ITPK1: variants seen among roughly 807,000 people sequenced by gnomAD.
ITPK1 encodes inositol 1,3,4-trisphosphate 5/6-kinase.
Under a neutral mutation model 45.3 loss-of-function variants are expected in ITPK1, and 21 were observed. The observed-to-expected ratio is 0.46, with a 90% CI of 0.33 to 0.67. The LOEUF is 0.67. ITPK1 is among the 30% of genes least tolerant of loss of function. The pLI, the probability that ITPK1 is intolerant of heterozygous loss-of-function variation, is 0.02. For synonymous variants in ITPK1, 258 were observed against 253.6 expected (o/e 1.02, Z -0.16); for missense variants, 474 against 573.5 (o/e 0.83, Z 1.77).
chr14:93,104,967 C>T (rs945338488), intron 2 of ITPK1, among the ~76,000 whole-genome samples: 13 of 152,192 alleles, frequency 8.5e-5, no homozygotes, highest in African/African-American at 2.7e-4. Flanking sequence ...CTGGCCAGAT[C>T]GGTCCCAGGA....
rs540385293 is a variant in ITPK1, at chr14:93,027,311, C to T, written c.121-10510G>A. Among the ~76,000 whole-genome samples, 18 of 152,310 alleles carry T rather than the reference C, an allele frequency of 1.2e-4. No homozygotes were observed. The South Asian group carries it at 1.4e-3, about 12-fold the overall frequency. On this transcript the variant is annotated intron_variant, in intron 3 of 10. Transcript: ENST00000267615. ...CTGAGCAGTCTCTAGGAAGAGCACACGTTTGGAGTCTGAGAGTCAGACAGG... is the reference window on the plus strand; with the variant it reads ...CTGAGCAGTCTCTAGGAAGAGCACATGTTTGGAGTCTGAGAGTCAGACAGG...
rs1887979882 is a variant in ITPK1, at chr14:92,952,026, C to G, written c.671-13G>C. 6.4e-7 allele frequency: 1 copy of G among 1,561,180 alleles called. No homozygotes were observed. Among genetic ancestry groups the G allele is most frequent in the Non-Finnish European group, 8.7e-7 (1 of 1,151,898 alleles). ...ATGGACTCACGGTCTGAAAAAGCGA[C>G]AGGAAGGAGCCGGCGTTAGAACCTC... On this transcript the variant is annotated splice_polypyrimidine_tract_variant and intron_variant, in intron 8 of 10. Transcript: ENST00000267615.
intron 5 of ITPK1, among the ~76,000 whole-genome samples, chr14:92,990,374 TAAGGAGCTAG>T (rs147357893): frequency 0.1 from 15,520 of 152,178 alleles, 1,018 homozygotes; most frequent in East Asian, 0.23. Context: ...CACAGAAGAA[TAAGGAGCTAG>T]AAGGAGCCAG....
chr14:93,011,491 G>C (rs901492331), intron 4 of ITPK1, among the ~76,000 whole-genome samples: 1 of 152,332 alleles, frequency 6.6e-6, no homozygotes, highest in East Asian at 1.9e-4. Context: ...AACCAGTGTG[G>C]CCAAGTGTGC....
chr14:93,105,987 G>A (rs1018270805), intron 2 of ITPK1, among the ~76,000 whole-genome samples: 1 of 152,054 alleles, frequency 6.6e-6, no homozygotes, highest in Non-Finnish European at 1.5e-5. Context: ...TTATAGGCGT[G>A]AGCCACCACG....
chr14:93,087,220 C>T (rs142471689), intron 2 of ITPK1, among the ~76,000 whole-genome samples: 247 of 152,350 alleles, frequency 1.6e-3, no homozygotes, highest in Middle Eastern at 6.8e-3. Context: ...TGTCCACATT[C>T]CTTGGCTTGT....
rs752199218 is a variant in ITPK1, at chr14:93,115,018, ACCGGGCTCGGGCCGGGGGTCC to A, written c.95+30_95+50del. 5.7e-5 allele frequency: 66 copies of A among 1,148,882 alleles called. No homozygotes were observed. The African/African-American group carries it at 9.6e-4, about 17-fold the overall frequency. The allele number at this position is 1,148,882 out of a possible 1,614,324, so 71.2% of individuals were successfully genotyped here. A position where few individuals can be genotyped will look rare whatever the true frequency, so the allele number is the denominator to read the frequency against. ...CTGCACCGGGCTCGGGCCGGGGGTC[ACCGGGCTCGGGCCGGGGGTCC>A]CCGGGCGCCGGCGCCGCGTCCCTCC... is the stretch of plus-strand genomic sequence containing the variant. On this transcript the variant is annotated intron_variant, in intron 2 of 10. Transcript: ENST00000267615.
chr14:93,009,080 G>C (rs1887761884), intron 4 of ITPK1, among the ~76,000 whole-genome samples: 1 of 152,118 alleles, frequency 6.6e-6, no homozygotes, highest in African/African-American at 2.4e-5. Context: ...GTCATGAGGG[G>C]CAGGGTGGGG....
intron 5 of ITPK1, among the ~76,000 whole-genome samples, chr14:92,993,658 C>A (rs1055678538): frequency 6.6e-6 from 1 of 152,164 alleles, no homozygotes; most frequent in Non-Finnish European, 1.5e-5. Context: ...ACCCTCAGAG[C>A]CCCCTTCCGC....
chr14:92,991,114 A>G lies in ITPK1; in HGVS notation c.364+2766T>C, dbSNP rs531874908. Among the ~76,000 whole-genome samples the G allele has an allele frequency of 1.4e-3, 216 of 152,272 alleles. 2 individuals carry two copies. The highest frequency in any genetic ancestry group is 2.4e-3 in the Non-Finnish European group (166 of 68,016). ...GTCACTGGATTGCTGTGATTATCTG[A>G]GGGAACTTCAAGGGTAATTATGGCC... is the stretch of plus-strand genomic sequence containing the variant. On this transcript the variant is annotated intron_variant, in intron 5 of 10. Transcript: ENST00000267615.
chr14:93,111,123 A>C (rs955218981), intron 2 of ITPK1, among the ~76,000 whole-genome samples: 1 of 152,094 alleles, frequency 6.6e-6, no homozygotes, highest in Non-Finnish European at 1.5e-5. Context: ...AAAAATCAGC[A>C]ATTATTACAG....
intron 2 of ITPK1, among the ~76,000 whole-genome samples, chr14:93,101,538 C>T (rs1433682298): frequency 1.3e-5 from 2 of 152,246 alleles, no homozygotes; most frequent in South Asian, 2.1e-4. Flanking sequence ...TGAAACACAC[C>T]CACAGTCATC....
At chr14:93,055,794 G>C (rs2139938391) in intron 3 of ITPK1, among the ~76,000 whole-genome samples, 1 of 152,352 alleles carries the variant, frequency 6.6e-6, no homozygotes, top group South Asian at 2.1e-4. Flanking sequence ...TCCCCGGGCA[G>C]AGAGTACAGG....
At chr14:93,046,664 AG>A (rs1241208452) in intron 3 of ITPK1, among the ~76,000 whole-genome samples, 1 of 152,212 alleles carries the variant, frequency 6.6e-6, no homozygotes, top group Non-Finnish European at 1.5e-5. Context: ...TGGAAAGCAC[AG>A]GGCAGAAACA....
intron 5 of ITPK1, 62 bp downstream of exon 5, chr14:92,993,817 TG>T: frequency 9.6e-7 from 1 of 1,040,924 alleles, no homozygotes; most frequent in Non-Finnish European, 1.5e-6. Flanking sequence ...CCTCAGGCCG[TG>T]GCCACTTTGT....
At chr14:93,013,670 G>C (rs2139849231) in intron 4 of ITPK1, among the ~76,000 whole-genome samples, 1 of 152,316 alleles carries the variant, frequency 6.6e-6, no homozygotes, top group African/African-American at 2.4e-5. Flanking sequence ...AACAAAATGG[G>C]AGGACCCCAG....
In ITPK1 at chr14:93,034,636, A is replaced by G. The variant is rs2139897812; in HGVS notation, c.121-17835T>C. Among the ~76,000 whole-genome samples, 1 of 152,342 alleles carries G rather than the reference A, an allele frequency of 6.6e-6. No individual in the cohort carries two copies. Among genetic ancestry groups the G allele is most frequent in the East Asian group, 1.9e-4 (1 of 5,176 alleles). ...ACATCCTGCATGAAGGTGGGGACTCAGTGAAAGCCTATGGCTAAGTGGGCA... is the reference window on the plus strand; with the variant it reads ...ACATCCTGCATGAAGGTGGGGACTCGGTGAAAGCCTATGGCTAAGTGGGCA... On this transcript the variant is annotated intron_variant, in intron 3 of 10. Transcript: ENST00000267615. The surrounding 1 kb of genome is among the most constrained non-coding windows in gnomAD (Gnocchi z 4.1).
rs959617110 is a variant in ITPK1 at position 92,938,238 on chromosome 14, G to A, written c.*3323C>T. The A allele has an allele frequency of 1.2e-5, 7 of 582,294 alleles. No homozygotes were observed. Among genetic ancestry groups the A allele is most frequent in the South Asian group, 4.3e-5 (2 of 46,856 alleles). 36.1% of individuals were successfully genotyped at this position (582,294 alleles called of 1,614,324 possible). ...CTCCCTAAGTGCTGGGATGACAGGC[G>A]TGAGCCGCCATGCCCGGCCAGAGTT... On this transcript the variant is annotated 3_prime_UTR_variant, in exon 11 of 11. Transcript: ENST00000267615.
At chr14:92,950,125 T>C (rs1223595793) in intron 9 of ITPK1, among the ~76,000 whole-genome samples, 2 of 152,228 alleles carry the variant, frequency 1.3e-5, no homozygotes, top group Non-Finnish European at 2.9e-5. Flanking sequence ...TGCTCTTAAC[T>C]AATACCCTAG....
Sources: allele counts gnomAD v4.1 joint callset (sites outside exome capture counted in the v4.1 genomes callset), GRCh38; gene constraint gnomAD v4.1.1; non-coding constraint Gnocchi (gnomAD v3.1); transcripts MANE v1.5; gene names NCBI Gene and HGNC (gene_info 2026-07-23, HGNC 2026-07-21).